ARHGEF10: variants seen among roughly 807,000 people sequenced by gnomAD.
The protein encoded by ARHGEF10 is Rho guanine nucleotide exchange factor 10.
A neutral mutation model predicts 147.4 loss-of-function variants in ARHGEF10; 140 were observed. That is an observed-to-expected ratio of 0.95 (90% confidence interval 0.83 to 1.09). The LOEUF is 1.09. ARHGEF10 is among the 50% of genes least tolerant of loss of function. The pLI, the probability that ARHGEF10 is intolerant of heterozygous loss-of-function variation, is 0.00. For synonymous variants in ARHGEF10, 902 were observed against 695.8 expected, an observed-to-expected ratio of 1.30 and a Z score of -4.67; for missense variants, 2,222 against 1,752.7, an observed-to-expected ratio of 1.27 and a Z score of -4.78.
At chr8:1,946,747 TG>T (rs1178825767) in intron 27 of ARHGEF10, among the ~76,000 whole-genome samples, 2 of 152,214 alleles carry the variant, frequency 1.3e-5, no homozygotes, top group Non-Finnish European at 2.9e-5. Context: ...ATTAGGGGTC[TG>T]GTTCTAGAAC....
intron 2 of ARHGEF10, among the ~76,000 whole-genome samples, chr8:1,850,622 G>A (rs966307182): frequency 3.3e-5 from 5 of 152,248 alleles, no homozygotes; most frequent in Admixed American, 6.5e-5. Flanking sequence ...GGGCAGCCGC[G>A]TGGGAGGGCA....
intron 7 of ARHGEF10, among the ~76,000 whole-genome samples, chr8:1,875,018 G>A (rs1298037781): frequency 2.8e-5 from 1 of 35,908 alleles, no homozygotes; most frequent in African/African-American, 1.0e-4. Flanking sequence ...ACACCAGGGC[G>A]TGTAGGGGGT....
chr8:1,923,620 C>T, intron 20 of ARHGEF10, 25 bp downstream of exon 20: 4 of 1,614,100 alleles, frequency 2.5e-6, no homozygotes, highest in Non-Finnish European at 3.4e-6. Context: ...TAAAACGAAA[C>T]CTTCTTGGCC....
At chr8:1,913,395 C>G (rs1397950078) in intron 18 of ARHGEF10, among the ~76,000 whole-genome samples, 1 of 152,176 alleles carries the variant, frequency 6.6e-6, no homozygotes, top group Admixed American at 6.5e-5. Flanking sequence ...CAACTTGAAT[C>G]TACTTGAAAG....
chr8:1,925,247 G>T, intron 21 of ARHGEF10, 36 bp from the exon 22 acceptor site: 1 of 1,613,800 alleles, frequency 6.2e-7, no homozygotes, highest in Non-Finnish European at 8.5e-7. Flanking sequence ...TGAGTTAACT[G>T]CATTCTTGCT....
chr8:1,949,858 G>A (rs1814887505), intron 27 of ARHGEF10, among the ~76,000 whole-genome samples: 1 of 152,232 alleles, frequency 6.6e-6, no homozygotes, highest in East Asian at 1.9e-4. Flanking sequence ...GCTGGGAAGA[G>A]CAGAGGGCGA....
intron 2 of ARHGEF10, among the ~76,000 whole-genome samples, chr8:1,845,503 TGAAA>T (rs1447449946): frequency 6.6e-6 from 1 of 152,052 alleles, no homozygotes; most frequent in Non-Finnish European, 1.5e-5. Flanking sequence ...AAGTTAAAAA[TGAAA>T]GAAAGGCCAG....
intron 1 of ARHGEF10, among the ~76,000 whole-genome samples, chr8:1,827,060 C>G (rs1275983458): frequency 6.6e-6 from 1 of 152,184 alleles, no homozygotes; most frequent in Non-Finnish European, 1.5e-5. Context: ...AGCAGGGGTC[C>G]TTGCCTGGGT....
At chr8:1,922,133 T>C (rs1812340928) in intron 18 of ARHGEF10, among the ~76,000 whole-genome samples, 1 of 151,978 alleles carries the variant, frequency 6.6e-6, no homozygotes, top group Admixed American at 6.5e-5. Context: ...TGAGGAAGTA[T>C]TTGAACATTA....
rs146470324 is a variant in ARHGEF10 at position 1,902,089 on chromosome 8, G to A, written c.1651-1192G>A. Among the ~76,000 whole-genome samples, 203 of 152,078 alleles carry A rather than the reference G, an allele frequency of 1.3e-3. 1 individual carries two copies. The highest frequency in any genetic ancestry group is 2.1e-3 in the Non-Finnish European group (143 of 68,000). ...GGTGGGCTGCTGCACCTAGCAACCC[G>A]TCATCTAGGTTTTAAGCCCCGCGTG... On this transcript the variant is annotated intron_variant, in intron 15 of 28. Coordinates refer to ENST00000349830, the MANE Select transcript of ARHGEF10 (RefSeq NM_014629.4).
intron 27 of ARHGEF10, among the ~76,000 whole-genome samples, chr8:1,946,465 G>C (rs1814601280): frequency 6.6e-6 from 1 of 152,224 alleles, no homozygotes; most frequent in Non-Finnish European, 1.5e-5. Flanking sequence ...GTTTCTGGGA[G>C]GATCTGCTTC....
At chr8:1,853,382 A>G (rs753162576) in intron 2 of ARHGEF10, among the ~76,000 whole-genome samples, 1 of 152,246 alleles carries the variant, frequency 6.6e-6, no homozygotes, top group African/African-American at 2.4e-5. Flanking sequence ...TGACGGCTAC[A>G]CTGCAGATTC....
chr8:1,861,498 C>T (rs957877699), intron 4 of ARHGEF10, among the ~76,000 whole-genome samples: 13 of 152,246 alleles, frequency 8.5e-5, no homozygotes, highest in South Asian at 2.1e-4. Context: ...TTCCCAGGAA[C>T]GCGCTGCAGG....
intron 7 of ARHGEF10, 77 bp from the exon 8 acceptor site, chr8:1,876,494 T>A: frequency 1.4e-6 from 2 of 1,463,116 alleles, no homozygotes; most frequent in Non-Finnish European, 1.9e-6. Flanking sequence ...GATGATTTGG[T>A]AAAACCACAA....
chr8:1,914,373 C>T (rs548111148), intron 18 of ARHGEF10, among the ~76,000 whole-genome samples: 19 of 152,326 alleles, frequency 1.2e-4, no homozygotes, highest in Middle Eastern at 3.4e-3. Context: ...ACACAGTGAC[C>T]GATGTGGGAC....
Position 1,882,737 on chromosome 8 carries a change from C to T in ARHGEF10, c.1063C>T (p.Leu355Phe), listed in dbSNP as rs200109049. The change falls in exon 10 of 29, where the codon CTC becomes TTC. Residue 355 changes from leucine (L) to phenylalanine (F), a missense_variant. By Grantham distance (22) the Leu-to-Phe change is conservative (BLOSUM62 0). Coordinates refer to ENST00000349830, the MANE Select transcript of ARHGEF10 (RefSeq NM_014629.4). Reference sequence around the variant, plus strand: ...CCGCTCCTTCATCAGGACCAAGTCTCTCATCGCACAGGGTCCGTGCCTGCA... The same window carrying T: ...CCGCTCCTTCATCAGGACCAAGTCTTTCATCGCACAGGGTCCGTGCCTGCA... Reference protein sequence around the residue: ...RGRSFIRTKSLIAQDHRSSLE... With the variant: ...RGRSFIRTKSFIAQDHRSSLE... 2.3e-5 allele frequency: 36 copies of T among 1,548,638 alleles called. No individual in the cohort carries two copies. In the East Asian group the frequency reaches 7.7e-4, roughly 33 times the overall value.
At chr8:1,931,801 T>G (rs5013952) in intron 25 of ARHGEF10, among the ~76,000 whole-genome samples, 138,824 of 151,940 alleles carry the variant, frequency 0.91, 63,546 homozygotes, top group East Asian at 1. Context: ...CGGCTGCGAT[T>G]TGGGATCCTG....
At position 1,860,022 on chromosome 8, in the gene ARHGEF10, A is replaced by G. The variant is rs200428087; in HGVS notation, c.319A>G (p.Thr107Ala). The G allele has an allele frequency of 5.6e-6, 9 of 1,612,560 alleles. No individual in the cohort carries two copies. In the Admixed American group the frequency reaches 1.5e-4, roughly 27 times the overall value. The change falls in exon 4 of 29, where the codon ACC becomes GCC. Residue 107 changes from threonine (T) to alanine (A), a missense_variant. By Grantham distance (58) the Thr-to-Ala change is moderately conservative. Coordinates refer to ENST00000349830, the MANE Select transcript of ARHGEF10 (RefSeq NM_014629.4). ...ITPFQEDQPP[T>A]PVPSAEEENV... ...GCCATTCCAGGAGGACCAGCCGCCCACCCCCGTGCCCAGCGCTGAGGAGGA... is the reference window on the plus strand; with the variant it reads ...GCCATTCCAGGAGGACCAGCCGCCCGCCCCCGTGCCCAGCGCTGAGGAGGA...
intron 2 of ARHGEF10, among the ~76,000 whole-genome samples, chr8:1,853,716 C>T (rs547237992): frequency 3.9e-5 from 6 of 152,200 alleles, no homozygotes; most frequent in Non-Finnish European, 4.4e-5. Flanking sequence ...GGTTGCAGGC[C>T]GGAAGTCCCA....
Sources: allele counts gnomAD v4.1 joint callset (sites outside exome capture counted in the v4.1 genomes callset), GRCh38; gene constraint gnomAD v4.1.1; transcripts MANE v1.5; gene names NCBI Gene and HGNC (gene_info 2026-07-23, HGNC 2026-07-21).